EHBP1: variants seen among roughly 807,000 people sequenced by gnomAD.
EHBP1 encodes the protein EH domain binding protein 1, also known as EH domain-binding protein 1.
EHBP1 carries 55 observed loss-of-function variants against 144.0 expected under a neutral mutation model. The observed-to-expected ratio is 0.38, with a 90% CI of 0.31 to 0.48. The LOEUF is 0.48. Among genes scored for constraint, EHBP1 ranks in the 20% least tolerant of loss-of-function variants. The probability of loss-of-function intolerance (pLI) is 0.98; values close to 1 mark genes in which losing one functional copy is unlikely to be tolerated. For missense variants in EHBP1, 1,200 were observed against 1,364.2 expected, an observed-to-expected ratio of 0.88 and a Z score of 1.90; for synonymous variants, 469 against 472.7, an observed-to-expected ratio of 0.99 and a Z score of 0.10.
intron 2 of EHBP1, among the ~76,000 whole-genome samples, chr2:62,734,710 C>G (rs991014217): frequency 3.3e-5 from 5 of 152,086 alleles, no homozygotes; most frequent in Non-Finnish European, 7.4e-5. Context: ...TGCCTTTGTT[C>G]TTTGTACCTT....
chr2:62,944,613 T>C (rs2056958781), intron 12 of EHBP1, among the ~76,000 whole-genome samples: 1 of 152,190 alleles, frequency 6.6e-6, no homozygotes, highest in South Asian at 2.1e-4. Flanking sequence ...AAGCAACACA[T>C]GACTATATTT....
At chr2:62,859,932 A>G (rs571136672) in intron 8 of EHBP1, among the ~76,000 whole-genome samples, 1 of 152,284 alleles carries the variant, frequency 6.6e-6, no homozygotes, top group African/African-American at 2.4e-5. Flanking sequence ...ATGATTAACT[A>G]CTGTTTACAT....
At chr2:62,987,759 G>A (rs2059257808) in intron 15 of EHBP1, among the ~76,000 whole-genome samples, 1 of 152,120 alleles carries the variant, frequency 6.6e-6, no homozygotes, top group African/African-American at 2.4e-5. Context: ...AAATATAAAT[G>A]TTAATCCAAT....
chr2:62,725,798 G>A (rs2036720702), intron 2 of EHBP1, among the ~76,000 whole-genome samples: 1 of 152,166 alleles, frequency 6.6e-6, no homozygotes, highest in Admixed American at 6.5e-5. Context: ...AAGCGATGTG[G>A]GGGGTTGTCA....
chr2:62,732,699 C>T (rs1223212934), intron 2 of EHBP1, among the ~76,000 whole-genome samples: 1 of 152,190 alleles, frequency 6.6e-6, no homozygotes, highest in African/African-American at 2.4e-5. Context: ...GCCTGTGGAA[C>T]CATGCGCCAA....
intron 3 of EHBP1, among the ~76,000 whole-genome samples, chr2:62,749,114 C>A (rs1429202069): frequency 6.6e-6 from 1 of 152,118 alleles, no homozygotes; most frequent in Non-Finnish European, 1.5e-5. Context: ...AGGTATATCT[C>A]CTAATGCTAT....
chr2:62,984,825 A>C (rs1316003121), intron 15 of EHBP1, among the ~76,000 whole-genome samples: 3 of 152,178 alleles, frequency 2.0e-5, no homozygotes, highest in Non-Finnish European at 2.9e-5. Context: ...GGGGAGTGGT[A>C]GTGTAAATGG....
intron 10 of EHBP1, among the ~76,000 whole-genome samples, chr2:62,926,413 A>C (rs1399455099): frequency 6.6e-6 from 1 of 152,196 alleles, no homozygotes; most frequent in Non-Finnish European, 1.5e-5. Context: ...GAATGGAAGA[A>C]AATATTTGCA....
intron 2 of EHBP1, 40 bp downstream of exon 2, chr2:62,707,335 C>CACAG: frequency 3.4e-6 from 5 of 1,458,904 alleles, no homozygotes; most frequent in Non-Finnish European, 3.9e-6. Flanking sequence ...GTGCTGTGGC[C>CACAG]TAAGCATACT....
intron 10 of EHBP1, among the ~76,000 whole-genome samples, chr2:62,931,227 T>C (rs1041812490): frequency 2.0e-5 from 3 of 152,182 alleles, no homozygotes; most frequent in African/African-American, 4.8e-5. Context: ...TGAATAGATA[T>C]TTATCCAAAG....
chr2:63,036,052 C>G (rs775329412), intron 19 of EHBP1, among the ~76,000 whole-genome samples: 8 of 151,964 alleles, frequency 5.3e-5, no homozygotes, highest in Non-Finnish European at 8.8e-5. Context: ...AACTATTCTC[C>G]CTACTGGTAA....
intron 5 of EHBP1, among the ~76,000 whole-genome samples, chr2:62,821,643 G>A (rs2045988924): frequency 6.6e-6 from 1 of 152,132 alleles, no homozygotes. Context: ...TTGCACCACT[G>A]CACTCTATCC....
chr2:62,866,359 T>G (rs181591835), intron 9 of EHBP1, among the ~76,000 whole-genome samples: 82 of 152,306 alleles, frequency 5.4e-4, no homozygotes, highest in Non-Finnish European at 3.4e-4. Flanking sequence ...AATCAAACAT[T>G]TATCAGGCAT....
chr2:62,973,815 C>T (rs2058596319), intron 14 of EHBP1, among the ~76,000 whole-genome samples: 1 of 152,062 alleles, frequency 6.6e-6, no homozygotes, highest in Non-Finnish European at 1.5e-5. Context: ...GCCTGGGCAA[C>T]ATGACGAAAC....
intron 10 of EHBP1, 87 bp from the exon 11 acceptor site, chr2:62,942,631 T>TTCAAATGATCTGATTAGGTCAA (rs2056825708): frequency 1.7e-6 from 2 of 1,200,364 alleles, no homozygotes; most frequent in East Asian, 5.1e-5. Context: ...CATCAAAGGG[T>TTCAAATGATCTGATTAGGTCAA]TCAAATGATC....
intron 15 of EHBP1, among the ~76,000 whole-genome samples, chr2:62,987,681 G>A (rs1046995805): frequency 4.6e-5 from 7 of 152,086 alleles, no homozygotes; most frequent in African/African-American, 1.4e-4. Context: ...CAGAGACAGC[G>A]TGTGGCAAAT....
chr2:62,783,162 C>T (rs139679954), intron 5 of EHBP1, among the ~76,000 whole-genome samples: 3 of 152,332 alleles, frequency 2.0e-5, no homozygotes, highest in African/African-American at 4.8e-5. Flanking sequence ...AGCTAGGTCA[C>T]GCTGATGCAA....
rs764756767 is a variant in EHBP1 at position 62,764,293 on chromosome 2, A to G, written c.190A>G (p.Asn64Asp). 2 of 1,571,682 alleles carry G rather than the reference A, an allele frequency of 1.3e-6. No homozygotes were observed. The highest frequency in any genetic ancestry group is 2.4e-5 in the South Asian group (2 of 84,182). ...ACATAGCTGGCAACCTGGAATAAAA[A>G]ATCCCTATCGTGGTGTTGTTGTGTG... is the stretch of plus-strand genomic sequence containing the variant. ...KAHSWQPGIK[N>D]PYRGVVVWPV... Residue 64 changes from asparagine to aspartate, a missense_variant, in exon 4 of 23, where the codon AAT becomes GAT. This residue lies in a region of EHBP1 where 137 missense variants were observed against 190.1 expected (regional missense o/e 0.72). Coordinates refer to ENST00000431489, the MANE Select transcript of EHBP1 (RefSeq NM_001142616.3).
intron 10 of EHBP1, among the ~76,000 whole-genome samples, chr2:62,894,402 G>C (rs1042980948): frequency 1.3e-5 from 2 of 152,234 alleles, no homozygotes; most frequent in African/African-American, 4.8e-5. Context: ...GGGAGAGAGA[G>C]AGAGAGAGTG....
Sources: allele counts gnomAD v4.1 joint callset (sites outside exome capture counted in the v4.1 genomes callset), GRCh38; gene constraint gnomAD v4.1.1; regional missense constraint gnomAD v4.1.1; transcripts MANE v1.5; gene names NCBI Gene and HGNC (gene_info 2026-07-23, HGNC 2026-07-21).